The following SORCS3 variants were observed in gnomAD, a reference collection of about 807,000 sequenced individuals.
SORCS3 encodes the protein VPS10 domain-containing receptor SorCS3.
In SORCS3, 57 loss-of-function variants were observed where a neutral mutation model predicts 146.3. The observed-to-expected ratio is 0.39, with a 90% CI of 0.31 to 0.49. The LOEUF (loss-of-function observed/expected upper bound fraction) is 0.49. Ranked by LOEUF, SORCS3 falls within the 20% of genes least tolerant of loss-of-function variation. SORCS3 has a pLI of 0.92. For missense variants in SORCS3, 1,341 were observed against 1,575.5 expected (o/e 0.85, Z 2.52); for synonymous variants, 653 against 618.5 (o/e 1.06, Z -0.83).
intron 4 of SORCS3, among the ~76,000 whole-genome samples, chr10:104,997,886 A>G (rs1331299732): frequency 6.6e-6 from 1 of 152,156 alleles, no homozygotes; most frequent in East Asian, 1.9e-4. Flanking sequence ...GAATGGAAAA[A>G]GTAATGAACT....
At chr10:104,642,540 C>T (rs1168193980) in intron 1 of SORCS3, among the ~76,000 whole-genome samples, 1 of 152,098 alleles carries the variant, frequency 6.6e-6, no homozygotes, top group East Asian at 1.9e-4. Context: ...CAGCCTTGGC[C>T]TTCAGGTAAC....
intron 7 of SORCS3, among the ~76,000 whole-genome samples, chr10:105,131,172 A>G (rs755882328): frequency 6.6e-6 from 1 of 152,200 alleles, no homozygotes; most frequent in Non-Finnish European, 1.5e-5. Context: ...AAAAGCCCCA[A>G]AAAGTCAAGA....
chr10:105,155,811 A>C (rs1374750773), intron 9 of SORCS3, among the ~76,000 whole-genome samples: 1 of 152,088 alleles, frequency 6.6e-6, no homozygotes, highest in East Asian at 1.9e-4. Flanking sequence ...AATCAATTCC[A>C]TTGTTGGCCC....
At chr10:105,142,608 C>T (rs2119454585) in intron 8 of SORCS3, among the ~76,000 whole-genome samples, 1 of 152,248 alleles carries the variant, frequency 6.6e-6, no homozygotes, top group Admixed American at 6.5e-5. Flanking sequence ...CCTTAACAGC[C>T]CTTCTGAGAA....
rs113692172 is a variant in SORCS3, at chr10:104,680,937, A to C, written c.627+38983A>C. On this transcript the variant is annotated intron_variant, in intron 1 of 26. Coordinates refer to ENST00000369701, the MANE Select transcript of SORCS3 (RefSeq NM_014978.3). ...ACCACCAGCCTTCAGAAGGAGCAGGAGGCCAGGCAGGCCCTGCGGGGAACA... is the reference window on the plus strand; with the variant it reads ...ACCACCAGCCTTCAGAAGGAGCAGGCGGCCAGGCAGGCCCTGCGGGGAACA... 4.1e-3 allele frequency among the ~76,000 whole-genome samples: 630 copies of C among 152,336 alleles called. 3 individuals are homozygous for C. Among genetic ancestry groups the C allele is most frequent in the African/African-American group, 0.015 (603 of 41,586 alleles).
chr10:105,104,854 A>G (rs181719168), intron 6 of SORCS3, among the ~76,000 whole-genome samples: 6 of 152,280 alleles, frequency 3.9e-5, no homozygotes, highest in African/African-American at 1.4e-4. Flanking sequence ...TATCCACCGA[A>G]TTCTTCTAAT....
intron 2 of SORCS3, among the ~76,000 whole-genome samples, chr10:104,848,205 A>G (rs2018229603): frequency 6.6e-6 from 1 of 152,076 alleles, no homozygotes; most frequent in South Asian, 2.1e-4. Context: ...CCATGTATTG[A>G]GTTGTCTCAT....
At chr10:104,825,320 G>A (rs1028115720) in intron 1 of SORCS3, among the ~76,000 whole-genome samples, 4 of 152,214 alleles carry the variant, frequency 2.6e-5, no homozygotes, top group Non-Finnish European at 5.9e-5. Flanking sequence ...ACTTTAGTAT[G>A]AGGACACTGA....
intron 9 of SORCS3, among the ~76,000 whole-genome samples, chr10:105,148,712 G>A (rs1394552022): frequency 1.3e-5 from 2 of 152,078 alleles, no homozygotes; most frequent in Admixed American, 1.3e-4. Context: ...TCCCTTGTGG[G>A]TTTTCCTATT....
chr10:104,694,832 G>T (rs1049203655), intron 1 of SORCS3, among the ~76,000 whole-genome samples: 3 of 152,182 alleles, frequency 2.0e-5, no homozygotes, highest in Non-Finnish European at 1.5e-5. Flanking sequence ...CACTTACAGG[G>T]TTTTGTGATG....
At chr10:104,901,670 C>G (rs1194872464) in intron 2 of SORCS3, among the ~76,000 whole-genome samples, 2 of 152,158 alleles carry the variant, frequency 1.3e-5, no homozygotes, top group Non-Finnish European at 2.9e-5. Flanking sequence ...CCCAGCCTTT[C>G]CTGGTGGTCT....
intron 4 of SORCS3, among the ~76,000 whole-genome samples, chr10:105,000,935 GA>G: frequency 6.6e-6 from 1 of 152,196 alleles, no homozygotes. Flanking sequence ...TATCGAGTCA[GA>G]TACTGCTTTA....
chr10:104,920,549 G>A lies in SORCS3; in HGVS notation c.795+4617G>A, dbSNP rs529284780. On this transcript the variant is annotated intron_variant, in intron 3 of 26. Coordinates refer to ENST00000369701, the MANE Select transcript of SORCS3 (RefSeq NM_014978.3). ...CTCCCAGCCACTTTGAAAGTAGGCA[G>A]GGTAAGAAAATAGACTTTGATAAAT... Among the ~76,000 whole-genome samples, 37 of 152,302 alleles carry A rather than the reference G, an allele frequency of 2.4e-4. No homozygotes were observed. The Middle Eastern group carries it at 0.014, about 56-fold the overall frequency.
chr10:105,036,052 C>A (rs775359594), intron 4 of SORCS3, among the ~76,000 whole-genome samples: 4 of 152,076 alleles, frequency 2.6e-5, no homozygotes, highest in Non-Finnish European at 4.4e-5. Flanking sequence ...TGCTCTTTTT[C>A]TCTTTAAGAT....
In SORCS3 at chr10:105,178,199, G is replaced by C. The variant is rs761589738; in HGVS notation, c.2009+26G>C. On this transcript the variant is annotated intron_variant, in intron 14 of 26. Coordinates refer to ENST00000369701, the MANE Select transcript of SORCS3 (RefSeq NM_014978.3). The stretch of plus-strand genomic sequence containing the variant: ...GTGAGTACTTCTTTTGCTGTGACAG[G>C]AAGAAGACCAGAGACACTGGTTCTA... 9 of 1,552,618 alleles carry C rather than the reference G, an allele frequency of 5.8e-6. No homozygotes were observed. The South Asian group carries it at 6.8e-5, about 12-fold the overall frequency.
chr10:105,096,460 A>G (rs898387634), intron 6 of SORCS3, among the ~76,000 whole-genome samples: 1 of 152,182 alleles, frequency 6.6e-6, no homozygotes, highest in Admixed American at 6.5e-5. Flanking sequence ...AAAGGACACA[A>G]TCAGCACCAA....
chr10:105,202,356 T>G (rs2056579255), intron 16 of SORCS3, among the ~76,000 whole-genome samples: 1 of 152,138 alleles, frequency 6.6e-6, no homozygotes. Context: ...TACCACCTCC[T>G]GCACCTTTAT....
At chr10:104,800,292 G>A (rs117760993) in intron 1 of SORCS3, among the ~76,000 whole-genome samples, 3,471 of 152,206 alleles carry the variant, frequency 0.023, 53 homozygotes, top group Non-Finnish European at 0.033. Flanking sequence ...AAACTTTGGA[G>A]ACAGTAAAAA....
intron 1 of SORCS3, among the ~76,000 whole-genome samples, chr10:104,702,060 C>A (rs1482461102): frequency 6.6e-6 from 1 of 152,044 alleles, no homozygotes; most frequent in East Asian, 1.9e-4. Flanking sequence ...AATGGGTGGG[C>A]CTGTGTTCCA....
Sources: allele counts gnomAD v4.1 joint callset (sites outside exome capture counted in the v4.1 genomes callset), GRCh38; gene constraint gnomAD v4.1.1; transcripts MANE v1.5; gene names NCBI Gene and HGNC (gene_info 2026-07-23, HGNC 2026-07-21).